UTRN: variants seen among roughly 807,000 people sequenced by gnomAD.
The protein encoded by UTRN is utrophin, also known as dystrophin-related protein 1.
UTRN carries 283 observed loss-of-function variants against 463.9 expected under a neutral mutation model. The observed-to-expected ratio is 0.61, with a 90% confidence interval of 0.55 to 0.67. The LOEUF is 0.67. Ranked by LOEUF, UTRN falls within the 30% of genes least tolerant of loss-of-function variation. The pLI, the probability that UTRN is intolerant of heterozygous loss-of-function variation, is 0.00. For missense variants in UTRN, 3,922 were observed against 4,084.3 expected, an observed-to-expected ratio of 0.96 and a Z score of 1.08; for synonymous variants, 1,442 against 1,431.5, an observed-to-expected ratio of 1.01 and a Z score of -0.17.
At chr6:144,829,393 T>C (rs1780466134) in intron 69 of UTRN, among the ~76,000 whole-genome samples, 2 of 152,152 alleles carry the variant, frequency 1.3e-5, no homozygotes, top group African/African-American at 4.8e-5. Flanking sequence ...ACTAAAAAGA[T>C]ATTATATACT....
At chr6:144,836,643 C>T in intron 71 of UTRN, 102 bp downstream of exon 71, 1 of 1,490,790 alleles carries the variant, frequency 6.7e-7, no homozygotes, top group Non-Finnish European at 9.0e-7. Flanking sequence ...AGTCCACTTT[C>T]AATTTCTTAC....
chr6:144,846,752 C>G, intron 73 of UTRN, 53 bp from the exon 74 acceptor site: 14 of 1,613,448 alleles, frequency 8.7e-6, no homozygotes, highest in Non-Finnish European at 1.2e-5. Context: ...AGAGTTGGAA[C>G]CAACAAAGTA....
At chr6:144,304,289 T>C (rs1805525591) in intron 2 of UTRN, among the ~76,000 whole-genome samples, 1 of 152,170 alleles carries the variant, frequency 6.6e-6, no homozygotes, top group African/African-American at 2.4e-5. Context: ...TTGGGTTGTC[T>C]CTTGGTGGTA....
At chr6:144,391,676 C>T (rs1041108569) in intron 2 of UTRN, among the ~76,000 whole-genome samples, 3 of 152,208 alleles carry the variant, frequency 2.0e-5, no homozygotes, top group African/African-American at 7.2e-5. Flanking sequence ...GAGTCTCTCT[C>T]TGCCGCCCAG....
At chr6:144,522,345 T>C (rs533963453) in intron 40 of UTRN, among the ~76,000 whole-genome samples, 174 bp downstream of exon 40, 16 of 152,326 alleles carry the variant, frequency 1.1e-4, no homozygotes, top group African/African-American at 3.8e-4. Context: ...ATATTAAATT[T>C]TGAATTTTTA....
chr6:144,462,791 GAACAAGCTAAAGGT>G lies in UTRN; in HGVS notation c.2992_3005del (p.Asn998LeufsTer10). On this transcript the variant is annotated frameshift_variant, in exon 23 of 75. Coordinates refer to ENST00000367545, the MANE Select transcript of UTRN (RefSeq NM_007124.3). LOFTEE classifies it high-confidence loss of function. ...AATTTGATGATGTGCAAGGAAAGTGGAACAAGCTAAAGGTCTTGGTTTCCAAAGATCTACATTTG... is the reference window on the plus strand; with the variant it reads ...AATTTGATGATGTGCAAGGAAAGTGGCTTGGTTTCCAAAGATCTACATTTG... 1 of 1,611,918 alleles carries G rather than the reference GAACAAGCTAAAGGT, an allele frequency of 6.2e-7. No homozygotes were observed. Among genetic ancestry groups the G allele is most frequent in the Non-Finnish European group, 8.5e-7 (1 of 1,179,532 alleles).
chr6:144,560,929 A>C (rs1799806471), intron 50 of UTRN, among the ~76,000 whole-genome samples: 1 of 151,828 alleles, frequency 6.6e-6, no homozygotes, highest in African/African-American at 2.4e-5. Flanking sequence ...AAATAATATT[A>C]CTTCTGAAAC....
chr6:144,639,738 G>T (rs1777571828), intron 51 of UTRN, among the ~76,000 whole-genome samples: 1 of 151,446 alleles, frequency 6.6e-6, no homozygotes, highest in Non-Finnish European at 1.5e-5. Flanking sequence ...GAATCATGAA[G>T]CTGTATAAAC....
At position 144,696,327 on chromosome 6, in the gene UTRN, C is replaced by T. The variant is rs531579300; in HGVS notation, c.7653-3760C>T. ...TTATCTATATCTACACTGGTTAATA[C>T]AATTGCTGCTAGCCATATGTGGCCT... On this transcript the variant is annotated intron_variant, in intron 52 of 74. Transcript: ENST00000367545. 2.0e-5 allele frequency among the ~76,000 whole-genome samples: 3 copies of T among 152,102 alleles called. No homozygotes were observed. The East Asian group carries it at 5.8e-4, about 29-fold the overall frequency.
intron 65 of UTRN, among the ~76,000 whole-genome samples, chr6:144,806,009 A>G (rs1421791913): frequency 6.6e-6 from 1 of 152,234 alleles, no homozygotes; most frequent in Non-Finnish European, 1.5e-5. Flanking sequence ...TAGCTATTAT[A>G]GAAGTTTAGA....
chr6:144,395,014 A>G (rs146146819), intron 2 of UTRN, among the ~76,000 whole-genome samples: 33 of 152,274 alleles, frequency 2.2e-4, no homozygotes, highest in Middle Eastern at 3.4e-3. Flanking sequence ...CTAGAATTAT[A>G]TGTTAATGAG....
intron 51 of UTRN, among the ~76,000 whole-genome samples, chr6:144,663,358 C>T (rs1562727467): frequency 6.6e-6 from 1 of 152,032 alleles, no homozygotes; most frequent in African/African-American, 2.4e-5. Flanking sequence ...ACCAACACAC[C>T]TCTCTGAGAT....
intron 2 of UTRN, among the ~76,000 whole-genome samples, chr6:144,352,643 C>T (rs560427485): frequency 2.4e-4 from 37 of 152,206 alleles, no homozygotes; most frequent in African/African-American, 7.7e-4. Flanking sequence ...TTAAAAAGTC[C>T]TTGAGATTGC....
intron 27 of UTRN, among the ~76,000 whole-genome samples, chr6:144,483,938 C>T (rs995236007): frequency 1.4e-4 from 22 of 152,172 alleles, no homozygotes; most frequent in African/African-American, 5.1e-4. Context: ...ATGTACTGCT[C>T]CTTGATCTGG....
At chr6:144,599,873 G>T (rs1438332019) in intron 51 of UTRN, among the ~76,000 whole-genome samples, 1 of 152,070 alleles carries the variant, frequency 6.6e-6, no homozygotes, top group Admixed American at 6.6e-5. Context: ...AAAGTTTGTG[G>T]CAACCCTCTG....
chr6:144,419,056 C>T (rs374090113), intron 3 of UTRN, among the ~76,000 whole-genome samples: 3 of 150,388 alleles, frequency 2.0e-5, no homozygotes, highest in Admixed American at 6.6e-5. Context: ...AAAGTGAATT[C>T]GGTTATTTGT....
chr6:144,618,821 C>G (rs1001893459), intron 51 of UTRN, among the ~76,000 whole-genome samples: 1 of 152,032 alleles, frequency 6.6e-6, no homozygotes, highest in Non-Finnish European at 1.5e-5. Flanking sequence ...TTAAACACAA[C>G]AATAACAGCC....
At chr6:144,844,850 C>T (rs929555344) in intron 73 of UTRN, among the ~76,000 whole-genome samples, 6 of 152,184 alleles carry the variant, frequency 3.9e-5, no homozygotes, top group Admixed American at 6.5e-5. Flanking sequence ...AAATGCTTGT[C>T]GCCAGCATAC....
chr6:144,356,747 A>G lies in UTRN; in HGVS notation c.80-46376A>G, dbSNP rs568787600. ...AGAATCACTTGAATCTGGGAGGTGG[A>G]GGCAGAGGCGGAGGCTGCAGTGAGC... On this transcript the variant is annotated intron_variant, in intron 2 of 74. Transcript: ENST00000367545. Among the ~76,000 whole-genome samples, 4 of 152,236 alleles carry G rather than the reference A, an allele frequency of 2.6e-5. No homozygotes were observed. The South Asian group carries it at 8.3e-4, about 32-fold the overall frequency.
Sources: gnomAD v4.1 joint callset for allele counts (sites outside exome capture counted in the v4.1 genomes callset) on GRCh38, gnomAD v4.1.1 for gene constraint, MANE v1.5 for transcripts, NCBI Gene and HGNC (gene_info 2026-07-23, HGNC 2026-07-21) for gene names.